HP1BP3: variants seen among roughly 807,000 people sequenced by gnomAD.
HP1BP3 encodes heterochromatin protein 1 binding protein 3, also known as heterochromatin protein 1-binding protein 3.
Under a neutral mutation model 62.5 loss-of-function variants are expected in HP1BP3, and 12 were observed. That is an observed-to-expected ratio of 0.19 (90% confidence interval 0.12 to 0.31). The LOEUF is 0.31. HP1BP3 is among the 10% of genes least tolerant of loss of function. HP1BP3 has a pLI of 1.00. For missense variants in HP1BP3, 502 were observed against 651.8 expected, an observed-to-expected ratio of 0.77 and a Z score of 2.50; for synonymous variants, 260 against 237.8, an observed-to-expected ratio of 1.09 and a Z score of -0.86.
At chr1:20,748,144 G>A (rs2055458926) in intron 10 of HP1BP3, among the ~76,000 whole-genome samples, 1 of 151,428 alleles carries the variant, frequency 6.6e-6, no homozygotes, top group East Asian at 1.9e-4. Context: ...CTCTAAGGTA[G>A]CACATAAACA....
chr1:20,783,695 G>A (rs1041837826), intron 1 of HP1BP3, among the ~76,000 whole-genome samples: 17 of 145,962 alleles, frequency 1.2e-4, no homozygotes, highest in African/African-American at 4.1e-4. Flanking sequence ...ACTTGAACCC[G>A]GGAATCCGAA....
chr1:20,786,452 A>C (rs1253193178), intron 1 of HP1BP3: 2 of 152,392 alleles, frequency 1.3e-5, no homozygotes, highest in African/African-American at 4.8e-5. Flanking sequence ...TACAGGCCAC[A>C]GCGGCGAACG....
intron 4 of HP1BP3, chr1:20,776,009 C>CAA (rs67814500): frequency 0.025 from 30,640 of 1,204,690 alleles, 100 homozygotes; most frequent in African/African-American, 0.074. Flanking sequence ...AGCTCTCCTG[C>CAA]AAAAAAAAAA....
chr1:20,763,673 A>G (rs891801230), intron 8 of HP1BP3, among the ~76,000 whole-genome samples: 10 of 152,250 alleles, frequency 6.6e-5, no homozygotes, highest in African/African-American at 9.6e-5. Context: ...ACAAATTGAT[A>G]TATCTGCATG....
chr1:20,774,376 CCA>C (rs1213942734), intron 4 of HP1BP3: 3 of 151,454 alleles, frequency 2.0e-5, no homozygotes, highest in Admixed American at 6.6e-5. Flanking sequence ...ACACCCACAC[CCA>C]CACACGATAG....
intron 1 of HP1BP3, 48 bp from the exon 2 acceptor site, chr1:20,780,588 A>G (rs2057498511): frequency 3.3e-6 from 2 of 605,622 alleles, no homozygotes; most frequent in African/African-American, 1.8e-5. Flanking sequence ...AAACAAAACT[A>G]AACTAAAACG....
chr1:20,771,309 A>T (rs2057049274), intron 5 of HP1BP3, among the ~76,000 whole-genome samples: 1 of 152,238 alleles, frequency 6.6e-6, no homozygotes, highest in South Asian at 2.1e-4. Flanking sequence ...CTGAACACGA[A>T]CAACATTCTA....
chr1:20,765,059 C>T (rs1315146189), intron 8 of HP1BP3, among the ~76,000 whole-genome samples: 2 of 147,128 alleles, frequency 1.4e-5, no homozygotes, highest in East Asian at 4.1e-4. Context: ...GGCGCAGCTA[C>T]CCGGGAGGCG....
intron 3 of HP1BP3, 38 bp downstream of exon 3, chr1:20,779,774 C>G (rs1246722950): frequency 7.6e-7 from 1 of 1,323,380 alleles, no homozygotes; most frequent in Non-Finnish European, 1.1e-6. Flanking sequence ...TGCAGTATAA[C>G]TTTTGATGTT....
chr1:20,777,440 T>C (rs1474568076), intron 3 of HP1BP3, among the ~76,000 whole-genome samples: 1 of 152,102 alleles, frequency 6.6e-6, no homozygotes, highest in Non-Finnish European at 1.5e-5. Flanking sequence ...GGCCTTCCCA[T>C]AAAGAGAATT....
intron 10 of HP1BP3, among the ~76,000 whole-genome samples, chr1:20,748,222 T>C (rs2055464642): frequency 6.6e-6 from 1 of 152,252 alleles, no homozygotes; most frequent in Non-Finnish European, 1.5e-5. Context: ...CTATAGGTAT[T>C]GATAATCATC....
intron 10 of HP1BP3, among the ~76,000 whole-genome samples, chr1:20,748,276 A>T (rs1367208551): frequency 6.6e-6 from 1 of 152,232 alleles, no homozygotes; most frequent in South Asian, 2.1e-4. Flanking sequence ...ATTATTCATA[A>T]ATCAGTAAAC....
rs1373796451 is a variant in HP1BP3, at chr1:20,744,790, A to G, written c.*7T>C. 6.3e-7 allele frequency: 1 copy of G among 1,584,282 alleles called. No homozygotes were observed. The highest frequency in any genetic ancestry group is 1.4e-5 in the African/African-American group (1 of 72,926). On this transcript the variant is annotated 3_prime_UTR_variant, in exon 13 of 13. Coordinates refer to ENST00000438032, the MANE Select transcript of HP1BP3 (RefSeq NM_001372052.1). The stretch of plus-strand genomic sequence containing the variant: ...TTTCATCATGATACCCTTTTTTCCT[A>G]TAAAATTTACTTTTTCACTCTGAAA...
chr1:20,784,630 C>T (rs532840125), intron 1 of HP1BP3, among the ~76,000 whole-genome samples: 11 of 152,036 alleles, frequency 7.2e-5, no homozygotes, highest in Admixed American at 1.3e-4. Context: ...GCGTCCGCCA[C>T]GACACCCAGC....
At position 20,779,828 on chromosome 1, in the gene HP1BP3, C is replaced by T. The variant is rs1313161701; in HGVS notation, c.180G>A (p.Gly60=). The part of the protein sequence containing the change: ...ETPPKSKLAE[G]EEEKPEPDIS... The stretch of plus-strand genomic sequence containing the variant: ...TTACTTTACCTGGCTTTTCTTCCTC[C>T]CCTTCAGCAAGCTTGCTTTTGGGAG... The change falls in exon 3 of 13, where the codon GGG becomes GGA. Residue 60 remains glycine (G), a synonymous_variant. Transcript: ENST00000438032. The T allele has an allele frequency of 6.2e-7, 1 of 1,612,242 alleles. No individual in the cohort carries two copies.
intron 6 of HP1BP3, among the ~76,000 whole-genome samples, chr1:20,768,242 C>T (rs1250134985): frequency 1.3e-5 from 2 of 151,834 alleles, no homozygotes; most frequent in Non-Finnish European, 2.9e-5. Flanking sequence ...GTCAGGAGAT[C>T]GACACCATCC....
chr1:20,786,756 T>TGAGGGAGTGGGGTGAGGG (rs1553166297), intron 1 of HP1BP3: 1 of 151,754 alleles, frequency 6.6e-6, no homozygotes. Context: ...CGAAAACCGC[T>TGAGGGAGTGGGGTGAGGG]GAGGGAGTGG....
At chr1:20,762,464 C>T (rs776163614) in intron 8 of HP1BP3, among the ~76,000 whole-genome samples, 14 of 152,106 alleles carry the variant, frequency 9.2e-5, no homozygotes, top group Admixed American at 3.3e-4. Context: ...AGAATAAAGG[C>T]TGTGAAAAGA....
intron 1 of HP1BP3, among the ~76,000 whole-genome samples, chr1:20,785,250 T>C (rs934399751): frequency 6.6e-6 from 1 of 152,226 alleles, no homozygotes; most frequent in Non-Finnish European, 1.5e-5. Context: ...AAAAGTATTG[T>C]AGAAATAAAA....
Sources: gnomAD v4.1 joint callset for allele counts (sites outside exome capture counted in the v4.1 genomes callset) on GRCh38, gnomAD v4.1.1 for gene constraint, MANE v1.5 for transcripts, NCBI Gene and HGNC (gene_info 2026-07-23, HGNC 2026-07-21) for gene names.